UGGT2: variants seen among roughly 807,000 people sequenced by gnomAD.
UGGT2 encodes UDP-glucose glycoprotein glucosyltransferase 2.
In UGGT2, 180 loss-of-function variants were observed where a neutral mutation model predicts 192.1. The ratio of observed to expected loss-of-function variants is 0.94; its 90% confidence interval spans 0.83 to 1.06. UGGT2 has a LOEUF of 1.06. Ranked by LOEUF, UGGT2 falls within the 50% of genes least tolerant of loss-of-function variation. The pLI, the probability that UGGT2 is intolerant of heterozygous loss-of-function variation, is 0.00. For synonymous variants in UGGT2, 580 were observed against 591.0 expected (o/e 0.98, Z 0.27); for missense variants, 1,849 against 1,795.7 (o/e 1.03, Z -0.54).
chr13:96,041,397 C>T (rs369623605), intron 1 of UGGT2, among the ~76,000 whole-genome samples: 2 of 152,094 alleles, frequency 1.3e-5, no homozygotes, highest in Non-Finnish European at 2.9e-5. Context: ...CAGGGGTCCT[C>T]GGGTAGGGCT....
At chr13:95,826,861 T>C (rs1331630752) in intron 38 of UGGT2, among the ~76,000 whole-genome samples, 2 of 150,516 alleles carry the variant, frequency 1.3e-5, no homozygotes, top group South Asian at 2.1e-4. Flanking sequence ...AAGGCTTGTA[T>C]GGAAAAAAAA....
At chr13:95,907,737 T>C (rs982131557) in intron 20 of UGGT2, among the ~76,000 whole-genome samples, 5 of 152,148 alleles carry the variant, frequency 3.3e-5, no homozygotes, top group African/African-American at 4.8e-5. Context: ...AAACCACATC[T>C]GTAGGTCACC....
intron 22 of UGGT2, among the ~76,000 whole-genome samples, chr13:95,898,267 A>G (rs890893018): frequency 5.3e-5 from 8 of 152,084 alleles, no homozygotes; most frequent in Non-Finnish European, 1.0e-4. Flanking sequence ...CCTGCCCAGA[A>G]CTATGCACTT....
intron 8 of UGGT2, among the ~76,000 whole-genome samples, chr13:95,987,391 T>A (rs1219197811): frequency 6.6e-6 from 1 of 152,108 alleles, no homozygotes; most frequent in African/African-American, 2.4e-5. Context: ...CATTAGGGAG[T>A]CAACTAGAAC....
intron 5 of UGGT2, among the ~76,000 whole-genome samples, chr13:95,999,723 A>G (rs1162667663): frequency 6.6e-6 from 1 of 152,062 alleles, no homozygotes; most frequent in Non-Finnish European, 1.5e-5. Context: ...GTCTAGATGT[A>G]GGACTAGAGT....
At chr13:95,912,262 A>C (rs985348603) in intron 20 of UGGT2, among the ~76,000 whole-genome samples, 1 of 152,202 alleles carries the variant, frequency 6.6e-6, no homozygotes, top group African/African-American at 2.4e-5. Flanking sequence ...GAAAGAAATA[A>C]AGGGTGTTCA....
chr13:96,019,971 G>A (rs557733667), intron 4 of UGGT2, among the ~76,000 whole-genome samples: 11 of 152,282 alleles, frequency 7.2e-5, no homozygotes, highest in Non-Finnish European at 1.2e-4. Context: ...GGAAACCACT[G>A]TGAACTGAGG....
At chr13:95,906,116 A>T (rs1021456104) in intron 20 of UGGT2, among the ~76,000 whole-genome samples, 2 of 152,154 alleles carry the variant, frequency 1.3e-5, no homozygotes, top group Admixed American at 1.3e-4. Context: ...TTATGCTTTA[A>T]GATTATTTTA....
chr13:96,006,652 T>C (rs1265810426), intron 5 of UGGT2, among the ~76,000 whole-genome samples: 1 of 118,390 alleles, frequency 8.4e-6, no homozygotes, highest in Non-Finnish European at 1.8e-5. Context: ...AAAAAAAGAA[T>C]TGGTTAACTC....
Position 95,807,716 on chromosome 13 carries a change from C to CTTTTTTTTTTTTTTTTTTTTTT in UGGT2, c.4529-5905_4529-5904insAAAAAAAAAAAAAAAAAAAAAA. Among the ~76,000 whole-genome samples the CTTTTTTTTTTTTTTTTTTTTTT allele has an allele frequency of 7.1e-4, 56 of 78,698 alleles. 7 individuals carry two copies. The highest frequency in any genetic ancestry group is 9.2e-4 in the Non-Finnish European group (36 of 39,056). 51.6% of individuals were successfully genotyped at this position (78,698 alleles called of 152,430 possible). A position where few individuals can be genotyped will look rare whatever the true frequency, so the allele number is the denominator to read the frequency against. On this transcript the variant is annotated intron_variant, in intron 38 of 38. Transcript: ENST00000376747. ...GTATCTTGAAACCCTCAGCCCTCACCTTTTTTTTTTTTTTTTTTTGCCGTA... is the reference window on the plus strand; with the variant it reads ...GTATCTTGAAACCCTCAGCCCTCACCTTTTTTTTTTTTTTTTTTTTTTTTTTTTTTTTTTTTTTTTTGCCGTA...
chr13:95,955,805 A>G lies in UGGT2; in HGVS notation c.1336-6351T>C, dbSNP rs543108059. 3.3e-5 allele frequency among the ~76,000 whole-genome samples: 5 copies of G among 152,300 alleles called. No individual in the cohort carries two copies. The East Asian group carries it at 9.6e-4, about 29-fold the overall frequency. On this transcript the variant is annotated intron_variant, in intron 12 of 38. Transcript: ENST00000376747. ...TCTTCATTTTAAGATAAAGTCTATA[A>G]AGTGATATTTCTTTTGAACTTTAGG...
intron 29 of UGGT2, among the ~76,000 whole-genome samples, chr13:95,873,684 A>G (rs1303511582): frequency 6.6e-6 from 1 of 152,158 alleles, no homozygotes; most frequent in Non-Finnish European, 1.5e-5. Context: ...TAAGTGATAA[A>G]TCTTTGAACT....
At chr13:96,036,860 T>C (rs1594621297) in intron 1 of UGGT2, among the ~76,000 whole-genome samples, 1 of 151,336 alleles carries the variant, frequency 6.6e-6, no homozygotes, top group Admixed American at 6.6e-5. Context: ...TCTCAAGCGA[T>C]CCTCCCACTG....
At chr13:95,997,137 CTT>C (rs2051648542) in intron 6 of UGGT2, among the ~76,000 whole-genome samples, 1 of 152,098 alleles carries the variant, frequency 6.6e-6, no homozygotes, top group South Asian at 2.1e-4. Flanking sequence ...TCCTTTTCCT[CTT>C]GTTTGTTCAT....
intron 1 of UGGT2, among the ~76,000 whole-genome samples, chr13:96,049,937 T>C (rs999938694): frequency 1.3e-5 from 2 of 152,288 alleles, no homozygotes; most frequent in Admixed American, 1.3e-4. Flanking sequence ...GCCATCCCCA[T>C]CAAGCTACCA....
intron 36 of UGGT2, 101 bp from the exon 37 acceptor site, chr13:95,837,303 A>G: frequency 1.3e-6 from 1 of 781,610 alleles, no homozygotes; most frequent in Admixed American, 2.0e-5. Context: ...AACAGATCAT[A>G]AAACATATGC....
In UGGT2 at chr13:95,902,522, AC is replaced by A. The variant is rs149878771; in HGVS notation, c.2502+331del. ...TTTCTTCAAGAGGATCATCGTTGAAACCCCCCCCATAATGGACCCCTTCAGT... is the reference window on the plus strand; with the variant it reads ...TTTCTTCAAGAGGATCATCGTTGAAACCCCCCCATAATGGACCCCTTCAGT... On this transcript the variant is annotated intron_variant, in intron 21 of 38. Transcript: ENST00000376747. 2.4e-3 allele frequency among the ~76,000 whole-genome samples: 367 copies of A among 150,624 alleles called. 1 individual carries two copies. The highest frequency in any genetic ancestry group is 8.6e-3 in the African/African-American group (351 of 40,946).
intron 5 of UGGT2, among the ~76,000 whole-genome samples, chr13:96,011,057 T>A (rs9556517): frequency 0.39 from 59,149 of 151,940 alleles, 11,732 homozygotes; most frequent in Middle Eastern, 0.45. Flanking sequence ...GATATCCATA[T>A]GTAGAAAAAT....
At chr13:95,806,960 G>A (rs577358003) in intron 38 of UGGT2, among the ~76,000 whole-genome samples, 1 of 152,248 alleles carries the variant, frequency 6.6e-6, no homozygotes, top group South Asian at 2.1e-4. Context: ...AAATCTTTGT[G>A]AATTGGATTG....
Sources: allele counts gnomAD v4.1 joint callset (sites outside exome capture counted in the v4.1 genomes callset), GRCh38; gene constraint gnomAD v4.1.1; transcripts MANE v1.5; gene names NCBI Gene and HGNC (gene_info 2026-07-23, HGNC 2026-07-21).